DPH6: variants seen among roughly 807,000 people sequenced by gnomAD.
The protein encoded by DPH6 is diphthine--ammonia ligase.
Under a neutral mutation model 38.2 loss-of-function variants are expected in DPH6, and 33 were observed. That is an observed-to-expected ratio of 0.86 (90% confidence interval 0.65 to 1.15). DPH6 has a LOEUF of 1.15. Among genes scored for constraint, DPH6 ranks in the 50% most tolerant of loss-of-function variants. The pLI is 0.00. For synonymous variants in DPH6, 108 were observed against 103.0 expected (o/e 1.05, Z -0.30); for missense variants, 325 against 320.0 (o/e 1.02, Z -0.12).
the DPH6 span, among the ~76,000 whole-genome samples, chr15:35,158,508 T>C: frequency 6.6e-6 from 1 of 152,066 alleles, no homozygotes; most frequent in African/African-American, 2.4e-5. Flanking sequence ...CCAATGTTAA[T>C]AACATCCATA....
chr15:35,175,594 T>A, the DPH6 span, among the ~76,000 whole-genome samples: 3 of 130,694 alleles, frequency 2.3e-5, no homozygotes, highest in Non-Finnish European at 4.9e-5. Context: ...CTGTTTGCTT[T>A]CAACTTTCAT....
rs138879697 is a variant in DPH6, at chr15:35,335,716, G to A, written n.208-4639C>T. Among the ~76,000 whole-genome samples, 819 of 152,248 alleles carry A rather than the reference G, an allele frequency of 5.4e-3. 5 individuals carry two copies. Among genetic ancestry groups the A allele is most frequent in the Middle Eastern group, 0.031 (9 of 294 alleles). ...TGTATGTGTGCAGACTTATTTCTGA[G>A]TTCTCTGTTCGATTCCATTGGTCTA... On this transcript the variant is annotated intron_variant and non_coding_transcript_variant, in intron 3 of 3. Transcript: ENST00000558973.
At chr15:35,240,396 A>C (rs1410154061) in intron 3 of DPH6, among the ~76,000 whole-genome samples, 1 of 141,952 alleles carries the variant, frequency 7.0e-6, no homozygotes, top group South Asian at 2.5e-4. Flanking sequence ...CCCAACCCCA[A>C]GCATCACTGA....
chr15:35,150,784 C>G, the DPH6 span, among the ~76,000 whole-genome samples: 1 of 152,034 alleles, frequency 6.6e-6, no homozygotes, highest in Non-Finnish European at 1.5e-5. Context: ...TAAACAATAA[C>G]TAAGATTTAG....
chr15:35,273,157 T>TA (rs1383349556), intron 3 of DPH6, among the ~76,000 whole-genome samples: 1 of 152,092 alleles, frequency 6.6e-6, no homozygotes, highest in Non-Finnish European at 1.5e-5. Flanking sequence ...AAAAAAAATT[T>TA]AATTTCCATA....
intron 6 of DPH6, among the ~76,000 whole-genome samples, chr15:35,388,725 T>G (rs2053008215): frequency 6.6e-6 from 1 of 152,344 alleles, no homozygotes; most frequent in South Asian, 2.1e-4. Context: ...ATTTGATTCT[T>G]CTCTCTTTTC....
At chr15:35,413,300 G>T (rs1402667717) in intron 5 of DPH6, among the ~76,000 whole-genome samples, 2 of 151,470 alleles carry the variant, frequency 1.3e-5, no homozygotes, top group Admixed American at 1.3e-4. Context: ...GATCATACTT[G>T]TTAATTTTGT....
chr15:35,354,742 C>CT (rs956428990), intron 3 of DPH6, among the ~76,000 whole-genome samples: 20 of 151,924 alleles, frequency 1.3e-4, no homozygotes, highest in South Asian at 4.2e-4. Context: ...CTAAAATTCT[C>CT]TTTTTTTTGT....
chr15:35,401,839 A>T (rs1465425707), intron 6 of DPH6: 1 of 531,062 alleles, frequency 1.9e-6, no homozygotes, highest in Non-Finnish European at 3.6e-6. Context: ...ACAGGTTATA[A>T]CAGATTTGTG....
rs955265053 is a variant in DPH6, at chr15:35,436,266, A to C, written c.505+14419T>G. Among the ~76,000 whole-genome samples the C allele has an allele frequency of 1.3e-4, 19 of 151,478 alleles. No homozygotes were observed. In the South Asian group the frequency reaches 1.9e-3, roughly 15 times the overall value. Reference sequence around the variant, plus strand: ...CGGATCACGAGGTCAGGAGATCAAGACCATCTTGGCTAACATGGTGAAACC... The same window carrying C: ...CGGATCACGAGGTCAGGAGATCAAGCCCATCTTGGCTAACATGGTGAAACC... On this transcript the variant is annotated intron_variant, in intron 5 of 8. Transcript: ENST00000256538.
chr15:35,214,204 T>A (rs1003505882), downstream of DPH6, among the ~76,000 whole-genome samples: 9 of 152,132 alleles, frequency 5.9e-5, no homozygotes, highest in African/African-American at 2.2e-4. Flanking sequence ...GTTACATTGC[T>A]CATTCAGTAC....
At chr15:35,354,135 C>G (rs986262936) in intron 3 of DPH6, among the ~76,000 whole-genome samples, 3 of 152,074 alleles carry the variant, frequency 2.0e-5, no homozygotes, top group African/African-American at 7.2e-5. Flanking sequence ...GATTTTGTAT[C>G]CTGAGACTTT....
At chr15:35,312,980 C>A (rs976567208) in intron 3 of DPH6, among the ~76,000 whole-genome samples, 3 of 152,148 alleles carry the variant, frequency 2.0e-5, no homozygotes, top group African/African-American at 7.2e-5. Flanking sequence ...GTAATCCCAG[C>A]ACTTTGGGAG....
chr15:35,163,784 C>G, the DPH6 span, among the ~76,000 whole-genome samples: 1 of 151,852 alleles, frequency 6.6e-6, no homozygotes, highest in African/African-American at 2.4e-5. Context: ...GCAACAAATT[C>G]TTTCCATGGT....
intron 3 of DPH6, among the ~76,000 whole-genome samples, chr15:35,345,353 T>C (rs1264178448): frequency 6.6e-6 from 1 of 151,872 alleles, no homozygotes; most frequent in African/African-American, 2.4e-5. Context: ...AATTTATACA[T>C]TTATTTATTT....
the DPH6 span, among the ~76,000 whole-genome samples, chr15:35,157,048 C>T: frequency 1.3e-5 from 2 of 152,278 alleles, no homozygotes; most frequent in East Asian, 3.9e-4. Context: ...AATCATTACA[C>T]AATCTGTTTC....
intron 5 of DPH6, among the ~76,000 whole-genome samples, chr15:35,450,116 T>C (rs2053912624): frequency 6.6e-6 from 1 of 152,094 alleles, no homozygotes; most frequent in Non-Finnish European, 1.5e-5. Flanking sequence ...TTGAATCAGA[T>C]TACCACCTGC....
At chr15:35,162,448 TTG>T in the DPH6 span, among the ~76,000 whole-genome samples, 3 of 152,020 alleles carry the variant, frequency 2.0e-5, no homozygotes, top group South Asian at 2.1e-4. Flanking sequence ...AGCATGTTAA[TTG>T]TGTTCTTGCC....
rs2052529463 is a variant in DPH6, at chr15:35,353,086, A to C, written n.207+20435T>G. Among the ~76,000 whole-genome samples, 3 of 152,312 alleles carry C rather than the reference A, an allele frequency of 2.0e-5. No individual in the cohort carries two copies. The South Asian group carries it at 6.2e-4, about 32-fold the overall frequency. On this transcript the variant is annotated intron_variant and non_coding_transcript_variant, in intron 3 of 3. Transcript: ENST00000558973. Reference sequence around the variant, plus strand: ...GCTGCATAAATGTCTTCTTTTGAGAAGTGTCTGTTCATGTCCTTCGCCCAC... The same window carrying C: ...GCTGCATAAATGTCTTCTTTTGAGACGTGTCTGTTCATGTCCTTCGCCCAC...
Sources: allele counts gnomAD v4.1 joint callset (sites outside exome capture counted in the v4.1 genomes callset), GRCh38; gene constraint gnomAD v4.1.1; transcripts MANE v1.5; gene names NCBI Gene and HGNC (gene_info 2026-07-23, HGNC 2026-07-21).